Variants in KCNIP4 observed in about 807,000 individuals in gnomAD.
The protein encoded by KCNIP4 is potassium voltage-gated channel interacting protein 4.
A neutral mutation model predicts 34.0 loss-of-function variants in KCNIP4; 12 were observed. The observed-to-expected ratio is 0.35, with a 90% CI of 0.23 to 0.57. The LOEUF is 0.57. Among genes scored for constraint, KCNIP4 ranks in the 20% least tolerant of loss-of-function variants. The pLI is 0.83. For missense variants in KCNIP4, 238 were observed against 311.7 expected (o/e 0.76, Z 1.78); for synonymous variants, 124 against 102.2 (o/e 1.21, Z -1.29).
chr4:21,190,587 G>T (rs1755566277), intron 1 of KCNIP4, among the ~76,000 whole-genome samples: 1 of 152,074 alleles, frequency 6.6e-6, no homozygotes, highest in Non-Finnish European at 1.5e-5. Flanking sequence ...TGATAAACCA[G>T]GAAAGATGAA....
intron 1 of KCNIP4, among the ~76,000 whole-genome samples, chr4:21,023,976 G>C (rs1371791563): frequency 6.6e-6 from 1 of 152,208 alleles, no homozygotes; most frequent in East Asian, 1.9e-4. Flanking sequence ...GTACTGGGAA[G>C]CATGCAAAGA....
At chr4:21,761,493 A>G (rs1452878924) in intron 1 of KCNIP4, among the ~76,000 whole-genome samples, 1 of 152,162 alleles carries the variant, frequency 6.6e-6, no homozygotes. Flanking sequence ...TGAACACTAT[A>G]CAGACATTAC....
At position 20,816,127 on chromosome 4, in the gene KCNIP4, C is replaced by A. The variant is rs561202965; in HGVS notation, c.288+34416G>T. Reference sequence around the variant, plus strand: ...AATTAGTCAGGCATGGTGGTGCACACCTGTAGTCCCAGCTACTTGGGGAGG... The same window carrying A: ...AATTAGTCAGGCATGGTGGTGCACAACTGTAGTCCCAGCTACTTGGGGAGG... On this transcript the variant is annotated intron_variant, in intron 3 of 8. Coordinates refer to ENST00000382152, the MANE Select transcript of KCNIP4 (RefSeq NM_025221.6). Among the ~76,000 whole-genome samples, 36 of 152,088 alleles carry A rather than the reference C, an allele frequency of 2.4e-4. No individual in the cohort carries two copies. The South Asian group carries it at 7.1e-3, about 30-fold the overall frequency.
At chr4:21,514,997 C>A (rs1375802681) in intron 1 of KCNIP4, among the ~76,000 whole-genome samples, 1 of 152,172 alleles carries the variant, frequency 6.6e-6, no homozygotes, top group East Asian at 1.9e-4. Flanking sequence ...TACCTATTTC[C>A]CAGTATTACC....
intron 1 of KCNIP4, among the ~76,000 whole-genome samples, chr4:21,508,713 C>T (rs1200287738): frequency 2.8e-5 from 4 of 142,070 alleles, no homozygotes; most frequent in Non-Finnish European, 4.4e-5. Context: ...TTCTCTACTT[C>T]TTCCTGCCTT....
At chr4:21,703,436 C>A (rs1470160626) in intron 1 of KCNIP4, among the ~76,000 whole-genome samples, 1 of 151,996 alleles carries the variant, frequency 6.6e-6, no homozygotes, top group Non-Finnish European at 1.5e-5. Flanking sequence ...AGCTGGAAAC[C>A]ATCATTCTCA....
chr4:21,676,825 C>A (rs376946831), intron 1 of KCNIP4, among the ~76,000 whole-genome samples: 14 of 152,088 alleles, frequency 9.2e-5, no homozygotes, highest in African/African-American at 2.9e-4. Flanking sequence ...CCATGAAATA[C>A]TGAGTATGTC....
intron 1 of KCNIP4, chr4:21,850,089 A>ACT (rs1724281319): frequency 6.6e-6 from 1 of 152,050 alleles, no homozygotes; most frequent in Admixed American, 6.6e-5. Context: ...ATAAACAGCA[A>ACT]AATCTACAAA....
intron 1 of KCNIP4, among the ~76,000 whole-genome samples, chr4:21,526,498 A>G (rs945772264): frequency 2.0e-5 from 3 of 152,052 alleles, no homozygotes; most frequent in African/African-American, 7.2e-5. Context: ...TAATATTCTC[A>G]TCTGTATGTA....
At position 21,529,592 on chromosome 4, in the gene KCNIP4, T is replaced by C. The variant is rs187067565; in HGVS notation, c.61+418979A>G. Among the ~76,000 whole-genome samples the C allele has an allele frequency of 2.0e-5, 3 of 152,300 alleles. No homozygotes were observed. The East Asian group carries it at 5.8e-4, about 29-fold the overall frequency. On this transcript the variant is annotated intron_variant, in intron 1 of 8. Coordinates refer to ENST00000382152, the MANE Select transcript of KCNIP4 (RefSeq NM_025221.6). ...GAGGGTTTGTTATAATAAAATATTC[T>C]CAGACCTCCTTCTATCCTTGTTATA...
At chr4:21,489,381 A>C (rs1164905579) in intron 1 of KCNIP4, among the ~76,000 whole-genome samples, 1 of 151,964 alleles carries the variant, frequency 6.6e-6, no homozygotes, top group East Asian at 1.9e-4. Flanking sequence ...TTGAATAGGA[A>C]GTAGGGCCTT....
intron 1 of KCNIP4, among the ~76,000 whole-genome samples, chr4:21,820,777 T>C (rs1326239916): frequency 1.3e-5 from 2 of 152,162 alleles, no homozygotes; most frequent in Non-Finnish European, 2.9e-5. Context: ...AAGTTTTTTC[T>C]TCTTTAATCT....
chr4:21,021,268 G>A (rs1016353470), intron 1 of KCNIP4, among the ~76,000 whole-genome samples: 13 of 152,302 alleles, frequency 8.5e-5, no homozygotes, highest in African/African-American at 2.6e-4. Flanking sequence ...TGTGAATGGA[G>A]CTTGTAGGAC....
At chr4:21,894,543 G>C (rs916089704) in intron 1 of KCNIP4, among the ~76,000 whole-genome samples, 1 of 152,080 alleles carries the variant, frequency 6.6e-6, no homozygotes, top group Non-Finnish European at 1.5e-5. Flanking sequence ...AAGAAACCTA[G>C]TAGTAACATA....
At chr4:21,782,411 C>G (rs1051746687) in intron 1 of KCNIP4, among the ~76,000 whole-genome samples, 1 of 152,186 alleles carries the variant, frequency 6.6e-6, no homozygotes, top group African/African-American at 2.4e-5. Context: ...AACCTGTACA[C>G]AGCTGGATGT....
chr4:21,469,738 T>C (rs1433009438), intron 1 of KCNIP4, among the ~76,000 whole-genome samples: 1 of 152,130 alleles, frequency 6.6e-6, no homozygotes. Context: ...TTGGACTCAT[T>C]AGTCTCTGCT....
At position 21,155,126 on chromosome 4, in the gene KCNIP4, T is replaced by C. The variant is rs539890982; in HGVS notation, c.62-272417A>G. Among the ~76,000 whole-genome samples the C allele has an allele frequency of 3.9e-5, 6 of 152,260 alleles. No homozygotes were observed. In the South Asian group the frequency reaches 1.2e-3, roughly 32 times the overall value. On this transcript the variant is annotated intron_variant, in intron 1 of 8. Transcript: ENST00000382152. ...TTTACTGAGTCACCTTACTGTAGGA[T>C]GGTGGGAGAGAAAGATTAGAGAGTG...
chr4:20,850,752 A>T, intron 2 of KCNIP4, 85 bp from the exon 3 acceptor site: 1 of 1,445,638 alleles, frequency 6.9e-7, no homozygotes, highest in South Asian at 1.3e-5. Flanking sequence ...ACGGAAGAAC[A>T]TGTCTGCTAA....
intron 1 of KCNIP4, among the ~76,000 whole-genome samples, chr4:20,901,982 T>C (rs995001753): frequency 6.6e-6 from 1 of 152,308 alleles, no homozygotes; most frequent in East Asian, 1.9e-4. Context: ...AGACCTGCTT[T>C]GTGTTAGCTT....
Sources: allele counts gnomAD v4.1 joint callset (sites outside exome capture counted in the v4.1 genomes callset), GRCh38; gene constraint gnomAD v4.1.1; transcripts MANE v1.5; gene names NCBI Gene and HGNC (gene_info 2026-07-23, HGNC 2026-07-21).